Variants in DCDC2 observed in about 807,000 individuals in gnomAD.
DCDC2 encodes doublecortin domain-containing protein 2.
A neutral mutation model predicts 50.2 loss-of-function variants in DCDC2; 40 were observed. The ratio of observed to expected loss-of-function variants is 0.80; its 90% CI spans 0.62 to 1.04. The LOEUF (loss-of-function observed/expected upper bound fraction) is 1.04, where lower values mean the gene tolerates loss of function less well. Among genes scored for constraint, DCDC2 ranks in the 50% least tolerant of loss-of-function variants. The probability of loss-of-function intolerance (pLI) is 0.00; values close to 1 mark genes in which losing one functional copy is unlikely to be tolerated. For missense variants in DCDC2, 570 were observed against 581.9 expected, an observed-to-expected ratio of 0.98 and a Z score of 0.21; for synonymous variants, 234 against 210.6, an observed-to-expected ratio of 1.11 and a Z score of -0.96.
chr6:24,350,644 T>C (rs1760351758), intron 2 of DCDC2, among the ~76,000 whole-genome samples: 1 of 152,138 alleles, frequency 6.6e-6, no homozygotes, highest in Non-Finnish European at 1.5e-5. Context: ...TGAATTTTTT[T>C]GTGCTACTAC....
chr6:24,315,570 A>T (rs1187685640), intron 2 of DCDC2, among the ~76,000 whole-genome samples: 2 of 152,206 alleles, frequency 1.3e-5, no homozygotes, highest in Non-Finnish European at 2.9e-5. Flanking sequence ...TAAATAAAAT[A>T]GTCAAGACCC....
In DCDC2 at chr6:24,188,820, G is replaced by T. The variant is rs763694604; in HGVS notation, c.1024-10188C>A. Among the ~76,000 whole-genome samples the T allele has an allele frequency of 3.3e-5, 5 of 152,046 alleles. No homozygotes were observed. The East Asian group carries it at 9.6e-4, about 29-fold the overall frequency. On this transcript the variant is annotated intron_variant, in intron 8 of 9. Transcript: ENST00000378454. ...TATCTTAAATCCCCATTAAACTGAT[G>T]TACATAATAGTATAAACAATGATCG...
Position 24,291,032 on chromosome 6 carries a change from C to A in DCDC2, c.604G>T (p.Glu202Ter), listed in dbSNP as rs1211478955. 2 of 1,613,924 alleles carry A rather than the reference C, an allele frequency of 1.2e-6. No homozygotes were observed. The highest frequency in any genetic ancestry group is 1.7e-5 in the Admixed American group (1 of 59,998). The change falls in exon 5 of 10, where the codon GAG (glutamate) becomes TAG (stop). Residue 202 changes from glutamate to a stop codon, truncating the protein, a stop_gained. Coordinates refer to ENST00000378454, the MANE Select transcript of DCDC2 (RefSeq NM_016356.5). LOFTEE classifies it high-confidence loss of function. ...ACAGCCACATAAAACTGCCCATTCT[C>A]CAACTCTGCTCCACTCTCAACAAGT... ...GKLVESGAELENGQFYVAVGR... is the reference protein window; with the variant it reads ...GKLVESGAEL
At chr6:24,292,950 A>G (rs1213166269) in intron 4 of DCDC2, among the ~76,000 whole-genome samples, 1 of 152,218 alleles carries the variant, frequency 6.6e-6, no homozygotes, top group African/African-American at 2.4e-5. Flanking sequence ...CCAATGGCCT[A>G]TATCCAAGCA....
chr6:24,326,166 A>AAAGG (rs143866897), intron 2 of DCDC2, among the ~76,000 whole-genome samples: 75,452 of 126,534 alleles, frequency 0.6, 24,363 homozygotes, highest in Admixed American at 0.69. Context: ...GAGAGGAAGG[A>AAAGG]AAGGAAGGAA....
At chr6:24,190,806 G>A (rs185363627) in intron 8 of DCDC2, among the ~76,000 whole-genome samples, 1 of 152,188 alleles carries the variant, frequency 6.6e-6, no homozygotes, top group Non-Finnish European at 1.5e-5. Flanking sequence ...TTCAATAAGA[G>A]TATATGACTT....
intron 2 of DCDC2, among the ~76,000 whole-genome samples, chr6:24,329,303 T>C (rs1759927331): frequency 6.6e-6 from 1 of 152,170 alleles, no homozygotes; most frequent in Non-Finnish European, 1.5e-5. Flanking sequence ...GCACAGAAGC[T>C]AGACTTCCTG....
intron 7 of DCDC2, among the ~76,000 whole-genome samples, chr6:24,221,739 G>C (rs11966291): frequency 0.079 from 12,040 of 152,276 alleles, 767 homozygotes; most frequent in African/African-American, 0.17. Context: ...TATGGATAAG[G>C]AACTTGAAGT....
chr6:24,377,918 G>A, the DCDC2 span, among the ~76,000 whole-genome samples: 1 of 152,116 alleles, frequency 6.6e-6, no homozygotes, highest in Non-Finnish European at 1.5e-5. Flanking sequence ...GAACCCGGGA[G>A]GCGGAGGTTG....
Position 24,271,806 on chromosome 6 carries a change from G to GA in DCDC2, c.922+6242dup, listed in dbSNP as rs375187179. 2.0e-3 allele frequency among the ~76,000 whole-genome samples: 297 copies of GA among 152,290 alleles called. 2 individuals carry two copies. The highest frequency in any genetic ancestry group is 7.0e-3 in the African/African-American group (292 of 41,546). ...TAGAATTTTATGGGGCGCTTGTATG[G>GA]AAAATGTGATCTGAGTATCAAAATA... is the stretch of plus-strand genomic sequence containing the variant. On this transcript the variant is annotated intron_variant, in intron 7 of 9. Coordinates refer to ENST00000378454, the MANE Select transcript of DCDC2 (RefSeq NM_016356.5).
intron 2 of DCDC2, among the ~76,000 whole-genome samples, chr6:24,318,408 G>A (rs1480578968): frequency 1.3e-5 from 2 of 151,898 alleles, no homozygotes; most frequent in Admixed American, 6.6e-5. Flanking sequence ...TTTTTTAGTT[G>A]TTTTTTGTAT....
the DCDC2 span, among the ~76,000 whole-genome samples, chr6:24,378,997 A>G: frequency 0.091 from 13,672 of 150,370 alleles, 712 homozygotes; most frequent in Non-Finnish European, 0.11. Context: ...AGCCATATGC[A>G]GAAAGCTGAA....
At chr6:24,370,354 G>A in the DCDC2 span, among the ~76,000 whole-genome samples, 1 of 152,204 alleles carries the variant, frequency 6.6e-6, no homozygotes, top group Non-Finnish European at 1.5e-5. Flanking sequence ...AAAAGAGATA[G>A]GATATCATAT....
At chr6:24,377,631 T>A in the DCDC2 span, among the ~76,000 whole-genome samples, 3 of 152,208 alleles carry the variant, frequency 2.0e-5, no homozygotes, top group African/African-American at 7.2e-5. Context: ...ATAGAAAAGT[T>A]ACTTAATTTT....
At chr6:24,267,572 TC>T (rs1486708533) in intron 7 of DCDC2, among the ~76,000 whole-genome samples, 2 of 152,228 alleles carry the variant, frequency 1.3e-5, no homozygotes, top group Non-Finnish European at 2.9e-5. Context: ...CTAGCCATTC[TC>T]CAGAAATTAC....
chr6:24,294,887 G>C (rs1763828007), intron 4 of DCDC2, among the ~76,000 whole-genome samples: 1 of 152,050 alleles, frequency 6.6e-6, no homozygotes, highest in Non-Finnish European at 1.5e-5. Flanking sequence ...AATTCTACCA[G>C]ATGTACAAAA....
intron 2 of DCDC2, among the ~76,000 whole-genome samples, chr6:24,346,345 T>C (rs6933291): frequency 0.028 from 4,188 of 152,252 alleles, 74 homozygotes; most frequent in African/African-American, 0.049. Flanking sequence ...GGAGCCTGAA[T>C]TGGCATATAA....
chr6:24,368,633 G>A, the DCDC2 span, among the ~76,000 whole-genome samples: 3 of 151,302 alleles, frequency 2.0e-5, no homozygotes, highest in Admixed American at 6.6e-5. Context: ...AAATGAGAGC[G>A]TTTACCACCA....
chr6:24,353,951 C>T (rs555405951), intron 1 of DCDC2, among the ~76,000 whole-genome samples: 1 of 152,246 alleles, frequency 6.6e-6, no homozygotes, highest in South Asian at 2.1e-4. Flanking sequence ...AAAAGAGTGG[C>T]TTATGTGCAA....
Sources: allele counts gnomAD v4.1 joint callset (sites outside exome capture counted in the v4.1 genomes callset), GRCh38; gene constraint gnomAD v4.1.1; transcripts MANE v1.5; gene names NCBI Gene and HGNC (gene_info 2026-07-23, HGNC 2026-07-21).